Variants in FER1L6 observed in about 807,000 individuals in gnomAD.
FER1L6 encodes fer-1 like family member 6, also known as fer-1-like protein 6.
A neutral mutation model predicts 219.2 loss-of-function variants in FER1L6; 177 were observed. The observed-to-expected ratio is 0.81, with a 90% CI of 0.71 to 0.91. FER1L6 has a LOEUF of 0.91. Among genes scored for constraint, FER1L6 ranks in the 40% least tolerant of loss-of-function variants. FER1L6 has a pLI of 0.00. For synonymous variants in FER1L6, 768 were observed against 824.3 expected, an observed-to-expected ratio of 0.93 and a Z score of 1.17; for missense variants, 2,153 against 2,259.9, an observed-to-expected ratio of 0.95 and a Z score of 0.96.
At chr8:123,956,407 G>T (rs1815023126) in intron 2 of FER1L6, among the ~76,000 whole-genome samples, 1 of 152,210 alleles carries the variant, frequency 6.6e-6, no homozygotes, top group Admixed American at 6.5e-5. Context: ...GTAATGATGT[G>T]GGTTGCTGGG....
At chr8:124,097,497 G>A (rs1396539319) in intron 36 of FER1L6, 138 bp downstream of exon 36, 13 of 652,384 alleles carry the variant, frequency 2.0e-5, no homozygotes, top group African/African-American at 3.7e-5. Context: ...TCAGGAGCTG[G>A]TGGTGGCCCC....
intron 32 of FER1L6, among the ~76,000 whole-genome samples, chr8:124,079,811 A>T (rs1821459949): frequency 6.6e-6 from 1 of 152,164 alleles, no homozygotes; most frequent in Non-Finnish European, 1.5e-5. Context: ...GGTTGGGAAA[A>T]TGGCTAAGAT....
intron 39 of FER1L6, among the ~76,000 whole-genome samples, chr8:124,104,325 G>A (rs1464369716): frequency 1.3e-5 from 2 of 152,186 alleles, no homozygotes; most frequent in Admixed American, 6.5e-5. Flanking sequence ...AAATGAATGA[G>A]TCATGGCCTC....
chr8:124,097,401 G>C (rs561160181), intron 36 of FER1L6, 42 bp downstream of exon 36: 1 of 1,354,076 alleles, frequency 7.4e-7, no homozygotes, highest in Non-Finnish European at 1.1e-6. Flanking sequence ...AGAGACCAGG[G>C]TAGCAGATGA....
intron 1 of FER1L6, among the ~76,000 whole-genome samples, chr8:123,903,980 C>T (rs1013607080): frequency 6.6e-6 from 1 of 152,166 alleles, no homozygotes; most frequent in Non-Finnish European, 1.5e-5. Flanking sequence ...CCCCACACTT[C>T]AAAGCAGAGG....
intron 1 of FER1L6, among the ~76,000 whole-genome samples, chr8:123,857,783 C>T (rs1336611186): frequency 1.3e-5 from 2 of 152,218 alleles, no homozygotes; most frequent in African/African-American, 4.8e-5. Context: ...CGCCCTTCCA[C>T]TGCCCTCTCT....
intron 2 of FER1L6, among the ~76,000 whole-genome samples, 176 bp downstream of exon 2, chr8:123,956,250 C>G (rs1815013803): frequency 6.6e-6 from 1 of 152,216 alleles, no homozygotes; most frequent in South Asian, 2.1e-4. Context: ...CCCCCAAGGC[C>G]CTTGGTCATC....
At chr8:124,012,152 G>A (rs181274265) in intron 14 of FER1L6, among the ~76,000 whole-genome samples, 98 of 152,210 alleles carry the variant, frequency 6.4e-4, no homozygotes, top group Admixed American at 2.6e-3. Flanking sequence ...CTCCTGTTCC[G>A]TTAAAACCTA....
intron 12 of FER1L6, among the ~76,000 whole-genome samples, chr8:124,002,650 G>A (rs1287685911): frequency 2.0e-5 from 3 of 151,038 alleles, no homozygotes; most frequent in African/African-American, 7.3e-5. Flanking sequence ...AAAAAATGAT[G>A]TTTTCCTTCC....
intron 1 of FER1L6, among the ~76,000 whole-genome samples, chr8:123,890,391 G>T (rs1056559356): frequency 2.6e-5 from 4 of 151,690 alleles, no homozygotes; most frequent in Non-Finnish European, 4.4e-5. Context: ...CTTTGTTTTT[G>T]ATTTTAATTT....
intron 1 of FER1L6, among the ~76,000 whole-genome samples, chr8:123,885,212 A>G (rs1484143701): frequency 6.6e-6 from 1 of 152,096 alleles, no homozygotes; most frequent in Non-Finnish European, 1.5e-5. Context: ...GAAGGAATCA[A>G]TTTCTGTTGG....
rs1413052138 is a variant in FER1L6, at chr8:124,039,936, C to T, written c.2519C>T (p.Ala840Val). Residue 840 changes from alanine (A) to valine (V), a missense_variant, in exon 20 of 41, where the codon GCA (alanine) becomes GTA (valine). Physicochemically the swap from Ala to Val is moderately conservative, Grantham distance 64. Coordinates refer to ENST00000522917, the MANE Select transcript of FER1L6 (RefSeq NM_001039112.2). ...ATGTACCAAGCCCGGGGCCTCATCGCAGCTGACAGCAATGGACTTTCAGAC... is the reference window on the plus strand; with the variant it reads ...ATGTACCAAGCCCGGGGCCTCATCGTAGCTGACAGCAATGGACTTTCAGAC... ...AHMYQARGLI[A>V]ADSNGLSDPF... 6.2e-7 allele frequency: 1 copy of T among 1,614,152 alleles called. No homozygotes were observed. The highest frequency in any genetic ancestry group is 8.5e-7 in the Non-Finnish European group (1 of 1,180,010).
rs192891758 is a variant in FER1L6, at chr8:124,053,361, A to T, written c.2874+3605A>T. Among the ~76,000 whole-genome samples the T allele has an allele frequency of 1.9e-3, 293 of 152,366 alleles. 2 individuals carry two copies. Among genetic ancestry groups the T allele is most frequent in the African/African-American group, 6.8e-3 (282 of 41,576 alleles). On this transcript the variant is annotated intron_variant, in intron 22 of 40. Coordinates refer to ENST00000522917, the MANE Select transcript of FER1L6 (RefSeq NM_001039112.2). ...TGCTTCCTGACAGCCGACTTAATAA[A>T]GTAAGCACTGTCAGAGGTAAGTAGC... is the stretch of plus-strand genomic sequence containing the variant.
chr8:124,057,969 G>A (rs561064326), intron 22 of FER1L6, among the ~76,000 whole-genome samples: 40 of 43,960 alleles, frequency 9.1e-4, no homozygotes, highest in Non-Finnish European at 1.6e-3. Flanking sequence ...GTCTTTCTTC[G>A]CTTAGTTTCT....
chr8:124,042,010 C>T (rs1486835259), intron 20 of FER1L6, among the ~76,000 whole-genome samples: 1 of 152,122 alleles, frequency 6.6e-6, no homozygotes, highest in African/African-American at 2.4e-5. Context: ...TATGTGACTG[C>T]TTGTTGTTGT....
At chr8:123,895,071 G>T (rs1812722029) in intron 1 of FER1L6, among the ~76,000 whole-genome samples, 1 of 152,178 alleles carries the variant, frequency 6.6e-6, no homozygotes, top group African/African-American at 2.4e-5. Flanking sequence ...AACTGAGATT[G>T]TATGCCAACT....
At chr8:124,028,952 G>A (rs1023621082) in intron 18 of FER1L6, among the ~76,000 whole-genome samples, 1 of 151,954 alleles carries the variant, frequency 6.6e-6, no homozygotes, top group Non-Finnish European at 1.5e-5. Context: ...CCCATCCCCT[G>A]ACAGGCCCCG....
chr8:123,933,393 TG>T (rs1813856089), intron 1 of FER1L6, among the ~76,000 whole-genome samples: 1 of 87,254 alleles, frequency 1.1e-5, no homozygotes, highest in African/African-American at 6.9e-5. Context: ...TGTGTGTGTG[TG>T]TGTGTGTCTG....
intron 1 of FER1L6, among the ~76,000 whole-genome samples, chr8:123,880,094 A>G (rs1285160414): frequency 1.3e-5 from 2 of 152,128 alleles, no homozygotes; most frequent in East Asian, 1.9e-4. Context: ...AGGTTCTCGG[A>G]GAAAGCATCC....
Sources: gnomAD v4.1 joint callset for allele counts (sites outside exome capture counted in the v4.1 genomes callset) on GRCh38, gnomAD v4.1.1 for gene constraint, MANE v1.5 for transcripts, NCBI Gene and HGNC (gene_info 2026-07-23, HGNC 2026-07-21) for gene names.